FAM168A: variants seen among roughly 807,000 people sequenced by gnomAD.
The protein encoded by FAM168A is family with sequence similarity 168 member A, also known as protein FAM168A.
In FAM168A, 3 loss-of-function variants were observed where a neutral mutation model predicts 28.5. The observed-to-expected ratio is 0.11, with a 90% CI of 0.05 to 0.27. The LOEUF (loss-of-function observed/expected upper bound fraction) is 0.27, where lower values mean the gene tolerates loss of function less well. FAM168A is among the 10% of genes least tolerant of loss of function. The pLI, the probability that FAM168A is intolerant of heterozygous loss-of-function variation, is 1.00. For synonymous variants in FAM168A, 122 were observed against 124.2 expected, an observed-to-expected ratio of 0.98 and a Z score of 0.12; for missense variants, 222 against 311.5, an observed-to-expected ratio of 0.71 and a Z score of 2.16.
chr11:73,513,366 T>C (rs533813860), intron 1 of FAM168A, among the ~76,000 whole-genome samples: 1 of 147,222 alleles, frequency 6.8e-6, no homozygotes, highest in African/African-American at 2.6e-5. Context: ...TCCAACACCA[T>C]GCCCAGCTAA....
chr11:73,514,200 C>A (rs1855284424), intron 1 of FAM168A, among the ~76,000 whole-genome samples: 1 of 151,918 alleles, frequency 6.6e-6, no homozygotes, highest in South Asian at 2.1e-4. Context: ...CCACTGTACT[C>A]CAGCCTGGGC....
At chr11:73,453,587 T>C (rs1590787911) in intron 2 of FAM168A, among the ~76,000 whole-genome samples, 1 of 152,328 alleles carries the variant, frequency 6.6e-6, no homozygotes, top group Non-Finnish European at 1.5e-5. Flanking sequence ...AGATCAATTA[T>C]CTCCTTAAAG....
intron 5 of FAM168A, 124 bp downstream of exon 5, chr11:73,411,270 G>T: frequency 9.2e-7 from 1 of 1,086,096 alleles, no homozygotes; most frequent in Non-Finnish European, 1.3e-6. Flanking sequence ...GATACAACAA[G>T]GACGGCTAGC....
rs577431715 is a variant in FAM168A at position 73,508,679 on chromosome 11, C to T, written c.-18-40187G>A. ...AGTACTAGGGGTGTGTGTGTGTGCA[C>T]GCACACATGCCCTAATAGTACTAGA... is the stretch of plus-strand genomic sequence containing the variant. On this transcript the variant is annotated intron_variant, in intron 1 of 7. Coordinates refer to ENST00000356467, the MANE Select transcript of FAM168A (RefSeq NM_015159.3). 2.4e-4 allele frequency among the ~76,000 whole-genome samples: 36 copies of T among 152,018 alleles called. 1 individual carries two copies. The highest frequency in any genetic ancestry group is 6.3e-4 in the African/African-American group (26 of 41,468).
chr11:73,443,916 G>C (rs1867252134), intron 2 of FAM168A, among the ~76,000 whole-genome samples: 1 of 152,182 alleles, frequency 6.6e-6, no homozygotes, highest in Non-Finnish European at 1.5e-5. Context: ...GGCCAGGCCA[G>C]AGTAAGTTCA....
intron 1 of FAM168A, among the ~76,000 whole-genome samples, chr11:73,506,184 C>A (rs1193093130): frequency 6.6e-6 from 1 of 152,062 alleles, no homozygotes; most frequent in African/African-American, 2.4e-5. Context: ...GTAAATTATA[C>A]ATCAGAAACA....
chr11:73,477,921 G>GTAGACAGATAGATAGA (rs1253454427), intron 1 of FAM168A, among the ~76,000 whole-genome samples: 4 of 147,312 alleles, frequency 2.7e-5, no homozygotes, highest in African/African-American at 7.8e-5. Flanking sequence ...AAGCTGATAT[G>GTAGACAGATAGATAGA]TAGATAGATA....
At chr11:73,494,546 A>C (rs1854830095) in intron 1 of FAM168A, among the ~76,000 whole-genome samples, 1 of 152,238 alleles carries the variant, frequency 6.6e-6, no homozygotes, top group African/African-American at 2.4e-5. Flanking sequence ...TGTTTGATGC[A>C]GAGGCCCCAG....
At position 73,514,828 on chromosome 11, in the gene FAM168A, GCCATCCATCCATCCAT is replaced by G. The variant is rs140788338; in HGVS notation, c.-18-46352_-18-46337del. On this transcript the variant is annotated intron_variant, in intron 1 of 7. Coordinates refer to ENST00000356467, the MANE Select transcript of FAM168A (RefSeq NM_015159.3). ...AGCCTGTGTGACAGAGTGAGACTCT[GCCATCCATCCATCCAT>G]CCATCCATCCATCCATCCATCCATC... Among the ~76,000 whole-genome samples, 122 of 146,546 alleles carry G rather than the reference GCCATCCATCCATCCAT, an allele frequency of 8.3e-4. 2 individuals carry two copies. The highest frequency in any genetic ancestry group is 5.4e-4 in the Non-Finnish European group (36 of 66,622).
At chr11:73,557,440 G>A (rs996876157) in intron 1 of FAM168A, among the ~76,000 whole-genome samples, 1 of 151,844 alleles carries the variant, frequency 6.6e-6, no homozygotes, top group African/African-American at 2.4e-5. Context: ...ATGTTGCCTA[G>A]GCTGGTCTTG....
rs1866466663 is a variant in FAM168A at position 73,404,416 on chromosome 11, CCTG to C, written c.*2344_*2346del. On this transcript the variant is annotated 3_prime_UTR_variant, in exon 8 of 8. Transcript: ENST00000356467. ...GAAGTGCTTTGACCTCTGTGATGCA[CCTG>C]ACAAATCCAAAGGTTTCTATTATTA... 6.6e-6 allele frequency: 1 copy of C among 152,178 alleles called. No homozygotes were observed. Among genetic ancestry groups the C allele is most frequent in the Non-Finnish European group, 1.5e-5 (1 of 68,032 alleles). 9.4% of individuals were successfully genotyped at this position (152,178 alleles called of 1,614,324 possible).
chr11:73,538,441 T>G (rs1418969762), intron 1 of FAM168A, among the ~76,000 whole-genome samples: 1 of 151,922 alleles, frequency 6.6e-6, no homozygotes, highest in Non-Finnish European at 1.5e-5. Context: ...ATAGCCAAAA[T>G]GCATGTTGAT....
chr11:73,423,860 A>G (rs1160955040), intron 3 of FAM168A, among the ~76,000 whole-genome samples: 4 of 152,240 alleles, frequency 2.6e-5, no homozygotes, highest in African/African-American at 9.6e-5. Flanking sequence ...AGAGCCTGGC[A>G]CAGAATTTTA....
At chr11:73,443,337 G>A (rs1661338498) in intron 2 of FAM168A, among the ~76,000 whole-genome samples, 1 of 152,112 alleles carries the variant, frequency 6.6e-6, no homozygotes. Flanking sequence ...TATAATGAAT[G>A]CAAAAGGAAG....
At chr11:73,490,365 A>G (rs964903410) in intron 1 of FAM168A, among the ~76,000 whole-genome samples, 2 of 152,336 alleles carry the variant, frequency 1.3e-5, no homozygotes, top group African/African-American at 2.4e-5. Flanking sequence ...CTCTGAAAAC[A>G]TAAGTTAAAT....
chr11:73,536,252 T>G (rs1298220738), intron 1 of FAM168A, among the ~76,000 whole-genome samples: 1 of 152,138 alleles, frequency 6.6e-6, no homozygotes, highest in Non-Finnish European at 1.5e-5. Context: ...AAGACAGAAT[T>G]CAGATCCTAT....
intron 1 of FAM168A, among the ~76,000 whole-genome samples, chr11:73,533,478 A>T (rs547070569): frequency 6.6e-6 from 1 of 152,158 alleles, no homozygotes; most frequent in African/African-American, 2.4e-5. Flanking sequence ...GTAATTTGGG[A>T]GCACCACACA....
At chr11:73,502,189 A>C (rs1202033609) in intron 1 of FAM168A, among the ~76,000 whole-genome samples, 1 of 125,442 alleles carries the variant, frequency 8.0e-6, no homozygotes, top group African/African-American at 2.8e-5. Flanking sequence ...AAAAACCCTC[A>C]AAAAAAAAAT....
chr11:73,569,672 A>C (rs1386608074), intron 1 of FAM168A, among the ~76,000 whole-genome samples: 1 of 151,958 alleles, frequency 6.6e-6, no homozygotes, highest in Non-Finnish European at 1.5e-5. Context: ...AAATACAAAA[A>C]TTAGCCGGGC....
Sources: allele counts gnomAD v4.1 joint callset (sites outside exome capture counted in the v4.1 genomes callset), GRCh38; gene constraint gnomAD v4.1.1; transcripts MANE v1.5; gene names NCBI Gene and HGNC (gene_info 2026-07-23, HGNC 2026-07-21).